CCL22: variants seen among roughly 807,000 people sequenced by gnomAD.
CCL22 encodes the protein C-C motif chemokine ligand 22, also known as C-C motif chemokine 22.
In CCL22, 7 loss-of-function variants were observed where a neutral mutation model predicts 7.6. The ratio of observed to expected loss-of-function variants is 0.92; its 90% CI spans 0.52 to 1.72. CCL22 has a LOEUF of 1.72. Among genes scored for constraint, CCL22 ranks in the 40% most tolerant of loss-of-function variants. The probability of loss-of-function intolerance (pLI) is 0.00; values close to 1 mark genes in which losing one functional copy is unlikely to be tolerated. For missense variants in CCL22, 115 were observed against 124.7 expected, an observed-to-expected ratio of 0.92 and a Z score of 0.37; for synonymous variants, 55 against 47.2, an observed-to-expected ratio of 1.17 and a Z score of -0.68.
chr16:57,358,922 A>G, intron 1 of CCL22, 33 bp downstream of exon 1: 1 of 1,525,336 alleles, frequency 6.6e-7, no homozygotes, highest in Non-Finnish European at 9.1e-7. Flanking sequence ...CCCCCTACAG[A>G]GGCCAGGGCA....
At position 57,365,315 on chromosome 16, in the gene CCL22, G is replaced by A. The variant is rs1031772317; in HGVS notation, c.*1727G>A. ...ATCAAATTCATGCTATGGTGTGAAA[G>A]ACTACCTTTGACTTGGTATTATAAG... On this transcript the variant is annotated 3_prime_UTR_variant, in exon 3 of 3. Transcript: ENST00000219235. 2 of 152,150 alleles carry A rather than the reference G, an allele frequency of 1.3e-5. No individual in the cohort carries two copies. The highest frequency in any genetic ancestry group is 2.9e-5 in the Non-Finnish European group (2 of 68,044). 9.4% of individuals were successfully genotyped at this position (152,150 alleles called of 1,614,324 possible). A position where few individuals can be genotyped will look rare whatever the true frequency, so the allele number is the denominator to read the frequency against.
At position 57,365,574 on chromosome 16, in the gene CCL22, G is replaced by A. The variant is rs557018124; in HGVS notation, c.*1986G>A. ...AGACCATTCTCAGGTGGTTGGGCCA[G>A]GCTAAAGACTGGGATTTGGGTCTAT... On this transcript the variant is annotated 3_prime_UTR_variant, in exon 3 of 3. Coordinates refer to ENST00000219235, the MANE Select transcript of CCL22 (RefSeq NM_002990.5). 1 of 152,352 alleles carries A rather than the reference G, an allele frequency of 6.6e-6. No homozygotes were observed. Among genetic ancestry groups the A allele is most frequent in the Non-Finnish European group, 1.5e-5 (1 of 68,096 alleles). 9.4% of individuals were successfully genotyped at this position (152,352 alleles called of 1,614,324 possible).
upstream of CCL22, among the ~76,000 whole-genome samples, chr16:57,358,069 T>G (rs1156680549): frequency 6.6e-6 from 1 of 152,068 alleles, no homozygotes; most frequent in Non-Finnish European, 1.5e-5. Context: ...TGGCCTGGAC[T>G]GGGCAGGAAC....
chr16:57,360,182 T>A (rs1243138287), intron 1 of CCL22, among the ~76,000 whole-genome samples: 1 of 152,244 alleles, frequency 6.6e-6, no homozygotes. Flanking sequence ...CTACAGCTGA[T>A]GCTTAGTTGT....
chr16:57,365,951 G>C lies in CCL22; in HGVS notation c.*2363G>C, dbSNP rs1902106077. ...CACAGTGAGAATGTTCACCTTATAG[G>C]CTTGCTGTGGGGCTCAGGTTGAAAG... On this transcript the variant is annotated 3_prime_UTR_variant, in exon 3 of 3. Transcript: ENST00000219235. 6.6e-6 allele frequency: 1 copy of C among 152,214 alleles called. No individual in the cohort carries two copies. 9.4% of individuals were successfully genotyped at this position (152,214 alleles called of 1,614,324 possible).
Position 57,358,898 on chromosome 16 carries a change from G to A in CCL22, c.73+9G>A. On this transcript the variant is annotated intron_variant, in intron 1 of 2. Coordinates refer to ENST00000219235, the MANE Select transcript of CCL22 (RefSeq NM_002990.5). The stretch of plus-strand genomic sequence containing the variant: ...TCAAGCAACTGAGGCAGGTGAGGCT[G>A]GGGAGCAGGAAGACCCCCTACAGAG... 6.2e-7 allele frequency: 1 copy of A among 1,611,388 alleles called. No homozygotes were observed. The highest frequency in any genetic ancestry group is 8.5e-7 in the Non-Finnish European group (1 of 1,178,346).
chr16:57,364,632 C>T lies in CCL22; in HGVS notation c.*1044C>T, dbSNP rs1236582290. On this transcript the variant is annotated 3_prime_UTR_variant, in exon 3 of 3. Coordinates refer to ENST00000219235, the MANE Select transcript of CCL22 (RefSeq NM_002990.5). ...TAGCTGGGATTACAGGTTCCTGCTACCACGCCCAGCTAATTTTTGTATTTT... is the reference window on the plus strand; with the variant it reads ...TAGCTGGGATTACAGGTTCCTGCTATCACGCCCAGCTAATTTTTGTATTTT... 1.3e-5 allele frequency: 2 copies of T among 152,004 alleles called. No homozygotes were observed. Among genetic ancestry groups the T allele is most frequent in the East Asian group, 1.9e-4 (1 of 5,186 alleles). 9.4% of individuals were successfully genotyped at this position (152,004 alleles called of 1,614,324 possible). A position where few individuals can be genotyped will look rare whatever the true frequency, so the allele number is the denominator to read the frequency against.
chr16:57,360,400 C>G, intron 1 of CCL22, 37 bp from the exon 2 acceptor site: 1 of 1,613,346 alleles, frequency 6.2e-7, no homozygotes, highest in Non-Finnish European at 8.5e-7. Flanking sequence ...CCTCTCTGGG[C>G]TCCAGCTTGT....
At position 57,360,476 on chromosome 16, in the gene CCL22, G is replaced by A. The variant is rs201848347; in HGVS notation, c.113G>A (p.Arg38His). ...GANMEDSVCC[R>H]DYVRYRLPLR... is the part of the protein sequence containing the mutation. The stretch of plus-strand genomic sequence containing the variant: ...AACATGGAAGACAGCGTCTGCTGCC[G>A]TGATTACGTCCGTTACCGTCTGCCC... The change falls in exon 2 of 3, where the codon CGT becomes CAT. Residue 38 changes from arginine (R) to histidine (H), a missense_variant. Coordinates refer to ENST00000219235, the MANE Select transcript of CCL22 (RefSeq NM_002990.5). 4.0e-5 allele frequency: 65 copies of A among 1,614,218 alleles called. 1 individual carries two copies. Among genetic ancestry groups the A allele is most frequent in the African/African-American group, 2.8e-4 (21 of 75,072 alleles).
At chr16:57,362,525 T>A (rs1218668087) in intron 2 of CCL22, among the ~76,000 whole-genome samples, 1 of 152,050 alleles carries the variant, frequency 6.6e-6, no homozygotes, top group Non-Finnish European at 1.5e-5. Context: ...CTAGAAAGAA[T>A]GTGTCTGGAG....
At chr16:57,362,754 G>A (rs1482502015) in intron 2 of CCL22, among the ~76,000 whole-genome samples, 2 of 151,988 alleles carry the variant, frequency 1.3e-5, no homozygotes, top group Admixed American at 6.6e-5. Context: ...CCGGCTACTC[G>A]GGAGCCTGAG....
chr16:57,358,470 G>A (rs545905446), upstream of CCL22, among the ~76,000 whole-genome samples: 7 of 152,338 alleles, frequency 4.6e-5, no homozygotes, highest in South Asian at 1.5e-3. Flanking sequence ...TCCAGATGGG[G>A]AAACCAAGTC....
intron 1 of CCL22, among the ~76,000 whole-genome samples, chr16:57,359,426 C>A (rs1902024586): frequency 6.6e-6 from 1 of 151,892 alleles, no homozygotes; most frequent in South Asian, 2.1e-4. Context: ...AGCGATTCTC[C>A]TGCCTCAGCC....
At position 57,363,781 on chromosome 16, in the gene CCL22, A is replaced by C; in HGVS notation, c.*193A>C. On this transcript the variant is annotated 3_prime_UTR_variant, in exon 3 of 3. Transcript: ENST00000219235. ...ATCTCCCCCCTGACCCCTCTAACCC[A>C]TCCTCTGCCTCCCTCCCTGCAGTCA... 4 of 566,590 alleles carry C rather than the reference A, an allele frequency of 7.1e-6. No individual in the cohort carries two copies. Among genetic ancestry groups the C allele is most frequent in the Non-Finnish European group, 6.3e-6 (2 of 315,012 alleles). 35.1% of individuals were successfully genotyped at this position (566,590 alleles called of 1,614,324 possible). A position where few individuals can be genotyped will look rare whatever the true frequency, so the allele number is the denominator to read the frequency against.
rs1902017866 is a variant in CCL22, at chr16:57,358,885, G to T, written c.69G>T (p.Glu23Asp). ...TTGCTGTGGCGCTTCAAGCAACTGA[G>T]GCAGGTGAGGCTGGGGAGCAGGAAG... is the stretch of plus-strand genomic sequence containing the variant. ...VLLAVALQATEAGPYGANMED... is the reference protein window; with the variant it reads ...VLLAVALQATDAGPYGANMED... Residue 23 changes from glutamate to aspartate, a missense_variant, in exon 1 of 3, where the codon GAG becomes GAT. Physicochemically the swap from Glu to Asp is conservative, Grantham distance 45 (BLOSUM62 2). Transcript: ENST00000219235. 2 of 1,613,078 alleles carry T rather than the reference G, an allele frequency of 1.2e-6. No homozygotes were observed. The highest frequency in any genetic ancestry group is 1.7e-6 in the Non-Finnish European group (2 of 1,179,562).
At chr16:57,359,933 C>T (rs2146496330) in intron 1 of CCL22, among the ~76,000 whole-genome samples, 1 of 152,328 alleles carries the variant, frequency 6.6e-6, no homozygotes, top group Non-Finnish European at 1.5e-5. Flanking sequence ...GCTCTGGGCT[C>T]ACTATCCATT....
chr16:57,363,324 C>T (rs1323251972), intron 2 of CCL22, among the ~76,000 whole-genome samples, 180 bp from the exon 3 acceptor site: 2 of 152,184 alleles, frequency 1.3e-5, no homozygotes, highest in African/African-American at 4.8e-5. Context: ...TTTCACACCA[C>T]AGGTGGCTTG....
Position 57,359,338 on chromosome 16 carries a change from A to G in CCL22, c.73+449A>G, listed in dbSNP as rs1460711018. Among the ~76,000 whole-genome samples the G allele has an allele frequency of 2.6e-5, 4 of 152,094 alleles. No individual in the cohort carries two copies. In the East Asian group the frequency reaches 7.7e-4, roughly 29 times the overall value. On this transcript the variant is annotated intron_variant, in intron 1 of 2. Transcript: ENST00000219235. The stretch of plus-strand genomic sequence containing the variant: ...TTTATTTTATTTTATTTTTTGAGAC[A>G]CAGTTTCACTCTTGTTGCCCAGGAT...
chr16:57,360,633 TG>T, intron 2 of CCL22, 73 bp downstream of exon 2: 4 of 1,573,004 alleles, frequency 2.5e-6, no homozygotes, highest in Non-Finnish European at 2.6e-6. Flanking sequence ...CAGGTGCTGG[TG>T]GGTGGGACAC....
Sources: allele counts gnomAD v4.1 joint callset (sites outside exome capture counted in the v4.1 genomes callset), GRCh38; gene constraint gnomAD v4.1.1; transcripts MANE v1.5; gene names NCBI Gene and HGNC (gene_info 2026-07-23, HGNC 2026-07-21).